Variants in SCGN observed in about 807,000 individuals in gnomAD.
SCGN encodes the protein secretagogin.
In SCGN, 30 loss-of-function variants were observed where a neutral mutation model predicts 39.7. The ratio of observed to expected loss-of-function variants is 0.76; its 90% confidence interval spans 0.57 to 1.03. The LOEUF is 1.03. Among genes scored for constraint, SCGN ranks in the 50% least tolerant of loss-of-function variants. The pLI is 0.00. For missense variants in SCGN, 353 were observed against 349.4 expected (o/e 1.01, Z -0.08); for synonymous variants, 106 against 114.1 (o/e 0.93, Z 0.45).
rs1760172877 is a variant in SCGN at position 25,653,561 on chromosome 6, T to C, written c.153+109T>C. ...ATTCCAACTCACCTCCTTTCTTCCT[T>C]GCATGTATGTAATTTCTCCCCCTCT... On this transcript the variant is annotated intron_variant, in intron 2 of 10. Coordinates refer to ENST00000377961, the MANE Select transcript of SCGN (RefSeq NM_006998.4). The C allele has an allele frequency of 5.2e-6, 4 of 764,930 alleles. No homozygotes were observed. In the South Asian group the frequency reaches 5.4e-5, roughly 10 times the overall value. The allele number at this position is 764,930 out of a possible 1,614,324, so 47.4% of individuals were successfully genotyped here.
chr6:25,673,141 C>A (rs1174389490), intron 6 of SCGN, among the ~76,000 whole-genome samples: 1 of 152,140 alleles, frequency 6.6e-6, no homozygotes, highest in Non-Finnish European at 1.5e-5. Flanking sequence ...GTCTTTGGGA[C>A]CCTGCTATCT....
At chr6:25,696,596 G>C (rs1460409671) in intron 10 of SCGN, among the ~76,000 whole-genome samples, 1 of 152,006 alleles carries the variant, frequency 6.6e-6, no homozygotes, top group Admixed American at 6.6e-5. Flanking sequence ...GCCTTGTCCC[G>C]GGAATAAAAT....
intron 2 of SCGN, among the ~76,000 whole-genome samples, chr6:25,658,274 C>G (rs966992006): frequency 9.2e-5 from 14 of 151,660 alleles, no homozygotes; most frequent in Admixed American, 4.6e-4. Flanking sequence ...CTCCTGCCCT[C>G]GTGATCCACC....
intron 6 of SCGN, 81 bp from the exon 7 acceptor site, chr6:25,681,870 G>A: frequency 8.3e-7 from 1 of 1,209,102 alleles, no homozygotes; most frequent in South Asian, 1.2e-5. Context: ...GTAATCAGAA[G>A]AGCAAAATAG....
chr6:25,687,735 G>C (rs1468390166), intron 7 of SCGN, among the ~76,000 whole-genome samples: 1 of 152,014 alleles, frequency 6.6e-6, no homozygotes, highest in Non-Finnish European at 1.5e-5. Flanking sequence ...TTTGCTATTT[G>C]TTTCTCTTTG....
chr6:25,695,523 A>G (rs1261739714), intron 10 of SCGN, among the ~76,000 whole-genome samples: 10 of 152,130 alleles, frequency 6.6e-5, no homozygotes, highest in Admixed American at 6.6e-4. Flanking sequence ...TAATTTCTGT[A>G]CAAGATTTTT....
chr6:25,678,999 A>G (rs1394210783), intron 6 of SCGN: 1 of 151,686 alleles, frequency 6.6e-6, no homozygotes, highest in Non-Finnish European at 1.5e-5. Flanking sequence ...AAGTTCCTGG[A>G]CAGTTCTGGA....
At chr6:25,654,906 G>A (rs143306616) in intron 2 of SCGN, among the ~76,000 whole-genome samples, 2 of 152,108 alleles carry the variant, frequency 1.3e-5, no homozygotes, top group Non-Finnish European at 1.5e-5. Flanking sequence ...GACCACTTGC[G>A]CACACTCCTC....
At chr6:25,667,168 A>G (rs553521788) in intron 4 of SCGN, among the ~76,000 whole-genome samples, 1 of 152,288 alleles carries the variant, frequency 6.6e-6, no homozygotes, top group South Asian at 2.1e-4. Flanking sequence ...AAAATCATGA[A>G]TATAGAAAAA....
intron 2 of SCGN, among the ~76,000 whole-genome samples, chr6:25,655,326 C>T (rs1760208405): frequency 1.3e-5 from 2 of 152,128 alleles, no homozygotes; most frequent in African/African-American, 4.8e-5. Context: ...ATTCATTCAT[C>T]GAGTTGGGGT....
At chr6:25,657,482 G>T (rs900986341) in intron 2 of SCGN, among the ~76,000 whole-genome samples, 1 of 152,050 alleles carries the variant, frequency 6.6e-6, no homozygotes, top group Non-Finnish European at 1.5e-5. Flanking sequence ...GGTGCTTTTA[G>T]TTGCAAAAGC....
At chr6:25,677,888 C>T (rs996934891) in intron 6 of SCGN, among the ~76,000 whole-genome samples, 2 of 152,094 alleles carry the variant, frequency 1.3e-5, no homozygotes, top group African/African-American at 2.4e-5. Flanking sequence ...AGTTGTACTT[C>T]GAATCTATTG....
intron 10 of SCGN, among the ~76,000 whole-genome samples, chr6:25,692,708 G>A (rs1221887556): frequency 1.3e-5 from 2 of 152,224 alleles, no homozygotes; most frequent in African/African-American, 2.4e-5. Flanking sequence ...AGGCAGCTGG[G>A]CTGGGCTGAG....
At chr6:25,683,197 T>C (rs1759660227) in intron 7 of SCGN, among the ~76,000 whole-genome samples, 2 of 152,174 alleles carry the variant, frequency 1.3e-5, no homozygotes, top group African/African-American at 2.4e-5. Flanking sequence ...GCAGAAGGCA[T>C]CTCGCCTCTG....
At chr6:25,677,108 C>G (rs9467560) in intron 6 of SCGN, among the ~76,000 whole-genome samples, 14,320 of 151,914 alleles carry the variant, frequency 0.094, 1,175 homozygotes, top group African/African-American at 0.23. Context: ...TATCTCGGTG[C>G]CTTTGTTCTT....
At chr6:25,685,529 G>A (rs78322170) in intron 7 of SCGN, among the ~76,000 whole-genome samples, 3,424 of 152,076 alleles carry the variant, frequency 0.023, 56 homozygotes, top group African/African-American at 0.046. Context: ...GCATTTGGAG[G>A]AGCAAAGATT....
At chr6:25,667,329 C>G (rs944422989) in intron 4 of SCGN, among the ~76,000 whole-genome samples, 1 of 152,054 alleles carries the variant, frequency 6.6e-6, no homozygotes, top group East Asian at 1.9e-4. Flanking sequence ...TAAAGAAGAG[C>G]TTTCCCTTTC....
At chr6:25,686,197 C>T (rs1046810209) in intron 7 of SCGN, among the ~76,000 whole-genome samples, 2 of 152,104 alleles carry the variant, frequency 1.3e-5, no homozygotes, top group African/African-American at 4.8e-5. Context: ...TGTTTTGGGA[C>T]AAATATACGT....
At chr6:25,695,014 G>A (rs752636823) in intron 10 of SCGN, among the ~76,000 whole-genome samples, 3 of 152,170 alleles carry the variant, frequency 2.0e-5, no homozygotes, top group Non-Finnish European at 4.4e-5. Context: ...AGGGTTTTTG[G>A]TGTTTGCAGT....
Sources: gnomAD v4.1 joint callset for allele counts (sites outside exome capture counted in the v4.1 genomes callset) on GRCh38, gnomAD v4.1.1 for gene constraint, MANE v1.5 for transcripts, NCBI Gene and HGNC (gene_info 2026-07-23, HGNC 2026-07-21) for gene names.